Variants in DNAH8 observed in about 807,000 individuals in gnomAD.
DNAH8 encodes the protein axonemal beta dynein heavy chain 8.
A neutral mutation model predicts 562.1 loss-of-function variants in DNAH8; 382 were observed. The ratio of observed to expected loss-of-function variants is 0.68; its 90% CI spans 0.63 to 0.74. DNAH8 has a LOEUF of 0.74. Among genes scored for constraint, DNAH8 ranks in the 30% least tolerant of loss-of-function variants. The pLI, the probability that DNAH8 is intolerant of heterozygous loss-of-function variation, is 0.00. For synonymous variants in DNAH8, 1,881 were observed against 1,919.4 expected, an observed-to-expected ratio of 0.98 and a Z score of 0.52; for missense variants, 5,203 against 5,620.4, an observed-to-expected ratio of 0.93 and a Z score of 2.37.
At position 38,945,354 on chromosome 6, in the gene DNAH8, A is replaced by G. The variant is rs567965107; in HGVS notation, c.12008-113A>G. ...TTTTCTGTAATATTATTATTTTCCA[A>G]TTTTCCTATATTTTCAGTAATGTGG... is the stretch of plus-strand genomic sequence containing the variant. On this transcript the variant is annotated intron_variant, in intron 79 of 92. Transcript: ENST00000327475. 1.7e-4 allele frequency: 198 copies of G among 1,147,170 alleles called. 3 individuals carry two copies. In the Admixed American group the frequency reaches 4.3e-3, roughly 25 times the overall value. 71.1% of individuals were successfully genotyped at this position (1,147,170 alleles called of 1,614,324 possible). A position where few individuals can be genotyped will look rare whatever the true frequency, so the allele number is the denominator to read the frequency against.
chr6:38,889,543 G>T (rs1474575448), intron 57 of DNAH8, among the ~76,000 whole-genome samples: 5 of 152,130 alleles, frequency 3.3e-5, no homozygotes, highest in African/African-American at 1.2e-4. Flanking sequence ...ATACTCTTCA[G>T]TATGACTGAC....
chr6:38,852,637 A>C (rs550374520), intron 39 of DNAH8, 57 bp from the exon 40 acceptor site: 1 of 1,257,774 alleles, frequency 8.0e-7, no homozygotes, highest in Admixed American at 2.1e-5. Flanking sequence ...GCTTTTAAAA[A>C]CATCTCAGCG....
chr6:38,811,806 T>C (rs1771820390), intron 24 of DNAH8, among the ~76,000 whole-genome samples: 1 of 152,156 alleles, frequency 6.6e-6, no homozygotes, highest in African/African-American at 2.4e-5. Flanking sequence ...TCCTTCTCTC[T>C]CTCCCTATCT....
intron 91 of DNAH8, among the ~76,000 whole-genome samples, chr6:39,014,782 G>A (rs749462442): frequency 1.3e-5 from 2 of 152,166 alleles, no homozygotes; most frequent in Non-Finnish European, 2.9e-5. Context: ...GCAAGGCTGG[G>A]GGTAGTGGGG....
chr6:38,875,955 G>A, intron 53 of DNAH8, 127 bp downstream of exon 53: 1 of 660,090 alleles, frequency 1.5e-6, no homozygotes, highest in Non-Finnish European at 2.5e-6. Flanking sequence ...ATACCATTTT[G>A]AAAAGAGCAT....
Position 38,789,840 on chromosome 6 carries a change from T to G in DNAH8, c.2621T>G (p.Val874Gly). The change falls in exon 19 of 93, where the codon GTG becomes GGG. Residue 874 changes from valine to glycine, a missense_variant. Physicochemically the swap from Val to Gly is moderately radical, Grantham distance 109. Coordinates refer to ENST00000327475, the MANE Select transcript of DNAH8 (RefSeq NM_001206927.2). Reference protein sequence around the residue: ...LQYYDELCQEVPSVFVNLMTP... With the variant: ...LQYYDELCQEGPSVFVNLMTP... ...TATTATGATGAGTTATGTCAGGAAG[T>G]GCCTTCTGTGTTTGTCAATCTGATG... 1 of 1,613,380 alleles carries G rather than the reference T, an allele frequency of 6.2e-7. No individual in the cohort carries two copies. The highest frequency in any genetic ancestry group is 8.5e-7 in the Non-Finnish European group (1 of 1,179,650).
chr6:38,767,747 G>A (rs1340819167), intron 11 of DNAH8, among the ~76,000 whole-genome samples: 10 of 152,076 alleles, frequency 6.6e-5, no homozygotes, highest in African/African-American at 2.2e-4. Flanking sequence ...TGAATAATGC[G>A]GCTATGAACA....
At chr6:38,854,683 A>G (rs1302589687) in intron 41 of DNAH8, among the ~76,000 whole-genome samples, 2 of 152,036 alleles carry the variant, frequency 1.3e-5, no homozygotes, top group Non-Finnish European at 2.9e-5. Flanking sequence ...CAGACCCTGT[A>G]TATCCTGAAG....
chr6:38,987,627 T>C (rs2150726080), intron 87 of DNAH8, among the ~76,000 whole-genome samples: 1 of 152,318 alleles, frequency 6.6e-6, no homozygotes, highest in Non-Finnish European at 1.5e-5. Flanking sequence ...CATTTGCCCC[T>C]GAGTGGCTTC....
At chr6:38,897,711 G>T (rs1779796853) in intron 60 of DNAH8, among the ~76,000 whole-genome samples, 1 of 152,088 alleles carries the variant, frequency 6.6e-6, no homozygotes, top group Non-Finnish European at 1.5e-5. Flanking sequence ...AGCCAAGGAA[G>T]TCGAGGCTGC....
At chr6:38,795,927 G>A (rs148476317) in intron 21 of DNAH8, among the ~76,000 whole-genome samples, 33 of 152,286 alleles carry the variant, frequency 2.2e-4, no homozygotes, top group African/African-American at 3.4e-4. Flanking sequence ...TTGTCTTGGC[G>A]CATCCAAGGG....
intron 28 of DNAH8, among the ~76,000 whole-genome samples, chr6:38,824,681 A>C (rs1583106209): frequency 6.6e-6 from 1 of 152,238 alleles, no homozygotes; most frequent in Non-Finnish European, 1.5e-5. Flanking sequence ...GGGTTACTTG[A>C]CCTCTTTAAT....
intron 91 of DNAH8, among the ~76,000 whole-genome samples, chr6:39,024,416 A>G (rs931044565): frequency 7.9e-5 from 12 of 152,210 alleles, no homozygotes; most frequent in African/African-American, 2.9e-4. Flanking sequence ...GGTGAAAATG[A>G]CATTTTCATG....
chr6:38,883,880 C>T lies in DNAH8; in HGVS notation c.8141C>T (p.Thr2714Ile). The change falls in exon 56 of 93, where the codon ACA becomes ATA. Residue 2714 changes from threonine (T) to isoleucine (I), a missense_variant. Physicochemically the swap from Thr to Ile is moderately conservative, Grantham distance 89. Transcript: ENST00000327475. The part of the protein sequence containing the change: ...SATEPMMFQR[T>I]IESYVDKRIG... ...AAAACGTTTCCTTCTCTCTAGAGAA[C>T]AATTGAAAGCTACGTGGATAAGCGA... is the stretch of plus-strand genomic sequence containing the variant. The T allele has an allele frequency of 6.3e-7, 1 of 1,576,244 alleles. No individual in the cohort carries two copies. Among genetic ancestry groups the T allele is most frequent in the Non-Finnish European group, 8.6e-7 (1 of 1,160,334 alleles).
intron 91 of DNAH8, among the ~76,000 whole-genome samples, chr6:39,017,361 A>T (rs1036248971): frequency 2.6e-5 from 4 of 151,774 alleles, no homozygotes; most frequent in African/African-American, 7.3e-5. Context: ...GTGTGTGGGG[A>T]TGTGTTTAAA....
intron 35 of DNAH8, 103 bp from the exon 36 acceptor site, chr6:38,845,471 A>G (rs1400115381): frequency 1.3e-6 from 1 of 770,338 alleles, no homozygotes; most frequent in Non-Finnish European, 2.1e-6. Context: ...GAACTGGGTG[A>G]CTTACAGGTC....
intron 15 of DNAH8, among the ~76,000 whole-genome samples, chr6:38,780,556 TA>T (rs1768483410): frequency 6.6e-6 from 1 of 152,104 alleles, no homozygotes. Context: ...TGGACGAAGC[TA>T]GAGGCTATTA....
chr6:38,805,668 G>C, intron 23 of DNAH8, 72 bp downstream of exon 23: 1 of 826,970 alleles, frequency 1.2e-6, no homozygotes, highest in Admixed American at 2.7e-5. Context: ...ACCCCATATG[G>C]TGCTTTTTCC....
At chr6:38,888,251 G>T (rs1779096659) in intron 57 of DNAH8, among the ~76,000 whole-genome samples, 2 of 152,156 alleles carry the variant, frequency 1.3e-5, no homozygotes, top group South Asian at 4.1e-4. Flanking sequence ...CTACAGATGA[G>T]ATAAGGACCT....
Sources: allele counts gnomAD v4.1 joint callset (sites outside exome capture counted in the v4.1 genomes callset), GRCh38; gene constraint gnomAD v4.1.1; transcripts MANE v1.5; gene names NCBI Gene and HGNC (gene_info 2026-07-23, HGNC 2026-07-21).